GAB2: variants seen among roughly 807,000 people sequenced by gnomAD.
GAB2 encodes the protein GRB2-associated-binding protein 2.
GAB2 carries 26 observed loss-of-function variants against 65.5 expected under a neutral mutation model. The ratio of observed to expected loss-of-function variants is 0.40; its 90% CI spans 0.29 to 0.55. The LOEUF (loss-of-function observed/expected upper bound fraction) is 0.55, where lower values mean the gene tolerates loss of function less well. GAB2 is among the 20% of genes least tolerant of loss of function. The pLI is 0.53. For synonymous variants in GAB2, 321 were observed against 329.6 expected (o/e 0.97, Z 0.28); for missense variants, 884 against 875.8 (o/e 1.01, Z -0.12).
chr11:78,384,058 T>C (rs1429687522), intron 1 of GAB2, among the ~76,000 whole-genome samples: 1 of 152,208 alleles, frequency 6.6e-6, no homozygotes, highest in African/African-American at 2.4e-5. Context: ...CAGAGCTGAC[T>C]GAAGTGTTCT....
chr11:78,288,164 G>A (rs920480857), intron 1 of GAB2, among the ~76,000 whole-genome samples: 22 of 151,542 alleles, frequency 1.5e-4, no homozygotes, highest in Non-Finnish European at 2.9e-4. Flanking sequence ...TGGATTGCTT[G>A]AGGTCAGGAG....
At chr11:78,278,768 T>C (rs1307395864) in intron 2 of GAB2, among the ~76,000 whole-genome samples, 1 of 151,998 alleles carries the variant, frequency 6.6e-6, no homozygotes, top group East Asian at 1.9e-4. Flanking sequence ...TCATCCAGGC[T>C]GGAGTGCAGT....
intron 1 of GAB2, among the ~76,000 whole-genome samples, chr11:78,382,840 A>G (rs1856715397): frequency 6.6e-6 from 1 of 152,264 alleles, no homozygotes; most frequent in African/African-American, 2.4e-5. Flanking sequence ...GAACTCGATT[A>G]GAAGTCAACA....
intron 1 of GAB2, among the ~76,000 whole-genome samples, chr11:78,323,712 G>A (rs1403610166): frequency 6.6e-6 from 1 of 151,468 alleles, no homozygotes; most frequent in African/African-American, 2.4e-5. Flanking sequence ...TTGGGTGACA[G>A]GATCAATAGA....
At chr11:78,382,999 G>C (rs1003971388) in intron 1 of GAB2, among the ~76,000 whole-genome samples, 1 of 152,198 alleles carries the variant, frequency 6.6e-6, no homozygotes, top group Non-Finnish European at 1.5e-5. Context: ...CCAGCCGGGT[G>C]TGGTGGCTCA....
intron 2 of GAB2, among the ~76,000 whole-genome samples, chr11:78,260,493 T>G (rs1256542050): frequency 6.7e-6 from 1 of 149,896 alleles, no homozygotes; most frequent in Non-Finnish European, 1.5e-5. Context: ...TTTTTTTGAA[T>G]GGAGTCTTGC....
chr11:78,270,757 G>T (rs941768684), intron 2 of GAB2, among the ~76,000 whole-genome samples: 1 of 152,076 alleles, frequency 6.6e-6, no homozygotes, highest in East Asian at 1.9e-4. Context: ...CTATTGCTAC[G>T]ACCACTACAA....
At chr11:78,375,944 C>G (rs1856626826) in intron 1 of GAB2, among the ~76,000 whole-genome samples, 1 of 152,228 alleles carries the variant, frequency 6.6e-6, no homozygotes, top group South Asian at 2.1e-4. Flanking sequence ...GCCAAATCAC[C>G]TGCAGTACTT....
intron 1 of GAB2, among the ~76,000 whole-genome samples, chr11:78,415,978 A>C (rs1408274443): frequency 6.9e-6 from 1 of 144,150 alleles, no homozygotes; most frequent in Admixed American, 7.1e-5. Context: ...ACTGTATTCC[A>C]CTAGCTTGTA....
chr11:78,370,256 C>CA lies in GAB2; in HGVS notation c.75+47389dup, dbSNP rs35777026. Among the ~76,000 whole-genome samples, 95 of 99,148 alleles carry CA rather than the reference C, an allele frequency of 9.6e-4. No individual in the cohort carries two copies. The East Asian group carries it at 0.013, about 13-fold the overall frequency. The allele number at this position is 99,148 out of a possible 152,430, so 65.0% of individuals were successfully genotyped here. ...TGGGCGACAGAGCGAGACTCCGTCT[C>CA]AAAAAAAAAAAAAAAAAAGAAAAGA... On this transcript the variant is annotated intron_variant, in intron 1 of 9. Transcript: ENST00000361507.
chr11:78,222,295 A>T (rs1259645153), intron 6 of GAB2, 100 bp from the exon 7 acceptor site: 1 of 764,012 alleles, frequency 1.3e-6, no homozygotes, highest in Non-Finnish European at 2.3e-6. Flanking sequence ...AAGGCCTGCA[A>T]AGTCATTCCA....
At chr11:78,373,399 C>T (rs865970481) in intron 1 of GAB2, among the ~76,000 whole-genome samples, 23 of 152,006 alleles carry the variant, frequency 1.5e-4, no homozygotes, top group African/African-American at 5.6e-4. Context: ...TCACCACACC[C>T]GGCTAATTTT....
intron 1 of GAB2, among the ~76,000 whole-genome samples, chr11:78,337,650 A>G (rs1565164862): frequency 6.6e-6 from 1 of 152,152 alleles, no homozygotes; most frequent in Non-Finnish European, 1.5e-5. Flanking sequence ...CCCCATCCCT[A>G]CCCTATCTCA....
intron 8 of GAB2, among the ~76,000 whole-genome samples, chr11:78,220,720 T>C (rs1864382079): frequency 6.6e-6 from 1 of 152,184 alleles, no homozygotes; most frequent in African/African-American, 2.4e-5. Flanking sequence ...TGTTGAGTGA[T>C]GGGAATCAGG....
intron 1 of GAB2, among the ~76,000 whole-genome samples, chr11:78,373,036 T>TG (rs1856591424): frequency 6.6e-6 from 1 of 152,032 alleles, no homozygotes; most frequent in South Asian, 2.1e-4. Context: ...GCAGACTACC[T>TG]GAGGGACAGA....
intron 1 of GAB2, among the ~76,000 whole-genome samples, chr11:78,366,680 G>A (rs148073928): frequency 1.6e-3 from 232 of 148,740 alleles, no homozygotes; most frequent in African/African-American, 5.4e-3. Flanking sequence ...CAAAGAGCAG[G>A]GGTTAAGGAT....
intron 2 of GAB2, among the ~76,000 whole-genome samples, chr11:78,265,515 T>C (rs761159736): frequency 6.6e-6 from 1 of 152,142 alleles, no homozygotes; most frequent in African/African-American, 2.4e-5. Context: ...CTAATAATGA[T>C]TCACTAGCCA....
At chr11:78,320,725 CTTTTT>C (rs72241707) in intron 1 of GAB2, among the ~76,000 whole-genome samples, 37 of 102,492 alleles carry the variant, frequency 3.6e-4, no homozygotes, top group Non-Finnish European at 5.7e-4. Flanking sequence ...TAATTTTTGC[CTTTTT>C]TTTTTTTTTT....
chr11:78,241,537 A>G (rs1865135275), intron 3 of GAB2, among the ~76,000 whole-genome samples: 1 of 152,224 alleles, frequency 6.6e-6, no homozygotes, highest in African/African-American at 2.4e-5. Context: ...ATGAGGTACA[A>G]GAAAACACAC....
Sources: allele counts gnomAD v4.1 joint callset (sites outside exome capture counted in the v4.1 genomes callset), GRCh38; gene constraint gnomAD v4.1.1; transcripts MANE v1.5; gene names NCBI Gene and HGNC (gene_info 2026-07-23, HGNC 2026-07-21).